Variants in DSCAM observed in about 807,000 individuals in gnomAD.
The protein encoded by DSCAM is cell adhesion molecule DSCAM.
In DSCAM, 47 loss-of-function variants were observed where a neutral mutation model predicts 217.7. The ratio of observed to expected loss-of-function variants is 0.22; its 90% CI spans 0.17 to 0.28. The LOEUF (loss-of-function observed/expected upper bound fraction) is 0.28. Ranked by LOEUF, DSCAM falls within the 10% of genes least tolerant of loss-of-function variation. DSCAM has a pLI of 1.00. For missense variants in DSCAM, 2,080 were observed against 2,618.3 expected (o/e 0.79, Z 4.49); for synonymous variants, 1,056 against 1,015.3 (o/e 1.04, Z -0.76).
At chr21:40,329,692 C>T (rs189792709) in intron 8 of DSCAM, among the ~76,000 whole-genome samples, 30 of 151,542 alleles carry the variant, frequency 2.0e-4, no homozygotes, top group Admixed American at 1.3e-3. Flanking sequence ...GACCTTCAGC[C>T]TTAAGACTAT....
At chr21:40,497,412 A>G (rs974143889) in intron 3 of DSCAM, among the ~76,000 whole-genome samples, 1 of 152,194 alleles carries the variant, frequency 6.6e-6, no homozygotes. Context: ...TGTGAAATCT[A>G]AAAGAATTAA....
At chr21:40,503,004 G>T (rs930264601) in intron 3 of DSCAM, among the ~76,000 whole-genome samples, 1 of 152,114 alleles carries the variant, frequency 6.6e-6, no homozygotes, top group Non-Finnish European at 1.5e-5. Flanking sequence ...GGTTAAGAAC[G>T]TCTCATTTGC....
intron 1 of DSCAM, among the ~76,000 whole-genome samples, chr21:40,792,567 G>A (rs925135971): frequency 2.0e-5 from 3 of 152,182 alleles, no homozygotes; most frequent in Non-Finnish European, 4.4e-5. Context: ...AATTCTGGAG[G>A]AACATGATTC....
chr21:40,807,488 G>A (rs996616311), intron 1 of DSCAM, among the ~76,000 whole-genome samples: 8 of 152,112 alleles, frequency 5.3e-5, no homozygotes, highest in African/African-American at 1.9e-4. Flanking sequence ...GCGAGGGGGA[G>A]GACAGGCTTC....
At chr21:40,768,389 CTGCA>C (rs1385914582) in intron 1 of DSCAM, among the ~76,000 whole-genome samples, 1 of 151,296 alleles carries the variant, frequency 6.6e-6, no homozygotes, top group Non-Finnish European at 1.5e-5. Flanking sequence ...CCTATCTGTC[CTGCA>C]TGCTAATCCA....
At chr21:40,235,738 G>C (rs1465536500) in intron 11 of DSCAM, among the ~76,000 whole-genome samples, 1 of 151,502 alleles carries the variant, frequency 6.6e-6, no homozygotes, top group Non-Finnish European at 1.5e-5. Context: ...GGAAGTTAAT[G>C]ATGATGCATC....
chr21:40,312,925 C>T (rs775280990), intron 8 of DSCAM, among the ~76,000 whole-genome samples: 18 of 152,036 alleles, frequency 1.2e-4, no homozygotes, highest in Non-Finnish European at 2.2e-4. Context: ...CTAGCCTGGG[C>T]AACATAACGG....
intron 3 of DSCAM, among the ~76,000 whole-genome samples, chr21:40,407,187 G>T (rs1273288300): frequency 6.6e-6 from 1 of 152,104 alleles, no homozygotes; most frequent in Non-Finnish European, 1.5e-5. Context: ...ATTTTAATTA[G>T]CTTTATCTAA....
intron 10 of DSCAM, among the ~76,000 whole-genome samples, chr21:40,286,647 T>G (rs1462705313): frequency 7.0e-6 from 1 of 143,550 alleles, no homozygotes; most frequent in Admixed American, 6.8e-5. Context: ...ATCTTTTGAA[T>G]GTACAACCTG....
chr21:40,243,269 AAAGT>A (rs2073177821), intron 11 of DSCAM, among the ~76,000 whole-genome samples: 1 of 152,230 alleles, frequency 6.6e-6, no homozygotes, highest in Non-Finnish European at 1.5e-5. Context: ...AAAAAATAAT[AAAGT>A]GATTTTTTTA....
At chr21:40,681,928 AC>A (rs758131318) in intron 3 of DSCAM, among the ~76,000 whole-genome samples, 4 of 151,690 alleles carry the variant, frequency 2.6e-5, no homozygotes, top group Non-Finnish European at 5.9e-5. Context: ...CCTGACAGGG[AC>A]CCTCCCCAGA....
At position 40,440,171 on chromosome 21, in the gene DSCAM, C is replaced by A. The variant is rs575684221; in HGVS notation, c.509-70926G>T. Among the ~76,000 whole-genome samples the A allele has an allele frequency of 9.2e-5, 14 of 152,344 alleles. No homozygotes were observed. In the South Asian group the frequency reaches 2.3e-3, roughly 25 times the overall value. ...GTGATCAGCATCCATGATGCTAGCC[C>A]TTTGAACATCTGACTCATTGTTCAA... On this transcript the variant is annotated intron_variant, in intron 3 of 32. Transcript: ENST00000400454.
intron 2 of DSCAM, among the ~76,000 whole-genome samples, chr21:40,699,606 G>A (rs1023746666): frequency 6.6e-6 from 1 of 152,144 alleles, no homozygotes. Context: ...TACTGGTGGT[G>A]TGGAGAAAAT....
chr21:40,684,322 C>T (rs1009776094), intron 3 of DSCAM, among the ~76,000 whole-genome samples: 3 of 152,260 alleles, frequency 2.0e-5, no homozygotes, highest in East Asian at 1.9e-4. Context: ...AGAAGGGAAG[C>T]GGGGTGGCTC....
intron 3 of DSCAM, among the ~76,000 whole-genome samples, chr21:40,651,595 T>C (rs1245868162): frequency 1.3e-5 from 2 of 152,182 alleles, no homozygotes; most frequent in Admixed American, 1.3e-4. Flanking sequence ...TAAAGAGTGC[T>C]GTGGAGTCCC....
intron 3 of DSCAM, among the ~76,000 whole-genome samples, chr21:40,471,280 A>G (rs2075886147): frequency 6.6e-6 from 1 of 152,152 alleles, no homozygotes; most frequent in Non-Finnish European, 1.5e-5. Context: ...ACTCTAAGAA[A>G]CCACATTAGG....
rs2073198356 is a variant in DSCAM, at chr21:40,244,651, C to T, written c.2356+31446G>A. ...TGTTCTGGACCAAAGCTAAGTAGCA[C>T]CTTCTGCTTCATGGTCCCTCACAGC... On this transcript the variant is annotated intron_variant, in intron 11 of 32. Transcript: ENST00000400454. 2.0e-5 allele frequency among the ~76,000 whole-genome samples: 3 copies of T among 152,202 alleles called. No individual in the cohort carries two copies. In the South Asian group the frequency reaches 6.2e-4, roughly 32 times the overall value.
At chr21:40,525,158 A>G (rs1039385349) in intron 3 of DSCAM, among the ~76,000 whole-genome samples, 1 of 152,168 alleles carries the variant, frequency 6.6e-6, no homozygotes, top group Non-Finnish European at 1.5e-5. Flanking sequence ...TGTTCATACT[A>G]CTTGTGTTTT....
chr21:40,508,110 G>A (rs145096890), intron 3 of DSCAM, among the ~76,000 whole-genome samples: 55 of 152,208 alleles, frequency 3.6e-4, no homozygotes, highest in Middle Eastern at 6.8e-3. Context: ...ACGCAGTGTG[G>A]GTCCCAGCAG....
Sources: gnomAD v4.1 joint callset for allele counts (sites outside exome capture counted in the v4.1 genomes callset) on GRCh38, gnomAD v4.1.1 for gene constraint, MANE v1.5 for transcripts, NCBI Gene and HGNC (gene_info 2026-07-23, HGNC 2026-07-21) for gene names.